The following FBXO38 variants were observed in gnomAD, a reference collection of about 807,000 sequenced individuals.
FBXO38 encodes F-box only protein 38.
A neutral mutation model predicts 131.9 loss-of-function variants in FBXO38; 53 were observed. The ratio of observed to expected loss-of-function variants is 0.40; its 90% CI spans 0.32 to 0.51. The LOEUF is 0.51. Ranked by LOEUF, FBXO38 falls within the 20% of genes least tolerant of loss-of-function variation. FBXO38 has a pLI of 0.53. For synonymous variants in FBXO38, 452 were observed against 505.6 expected, an observed-to-expected ratio of 0.89 and a Z score of 1.42; for missense variants, 1,076 against 1,475.6, an observed-to-expected ratio of 0.73 and a Z score of 4.44.
At chr5:148,393,282 A>C (rs2113499313) in intron 1 of FBXO38, among the ~76,000 whole-genome samples, 1 of 150,128 alleles carries the variant, frequency 6.7e-6, no homozygotes, top group African/African-American at 2.5e-5. Context: ...ATAGCACATA[A>C]CCTTTCAGTG....
intron 1 of FBXO38, among the ~76,000 whole-genome samples, chr5:148,391,784 T>C (rs1213212205): frequency 6.6e-6 from 1 of 152,208 alleles, no homozygotes; most frequent in Non-Finnish European, 1.5e-5. Flanking sequence ...TGATGGAGAA[T>C]AATATGAAGT....
chr5:148,433,615 T>C lies in FBXO38; in HGVS notation c.2755-20T>C. ...CTAAAGTTTGTATCTTTATATAGTTTCTAATTTTTCTGCTTGTAGGTTCTT... is the reference window on the plus strand; with the variant it reads ...CTAAAGTTTGTATCTTTATATAGTTCCTAATTTTTCTGCTTGTAGGTTCTT... On this transcript the variant is annotated intron_variant, in intron 16 of 21. Coordinates refer to ENST00000340253, the MANE Select transcript of FBXO38 (RefSeq NM_205836.3). 1 of 1,569,826 alleles carries C rather than the reference T, an allele frequency of 6.4e-7. No homozygotes were observed. The highest frequency in any genetic ancestry group is 8.7e-7 in the Non-Finnish European group (1 of 1,149,184).
At chr5:148,399,164 T>C (rs975886518) in intron 3 of FBXO38, 32 bp downstream of exon 3, 1 of 1,606,706 alleles carries the variant, frequency 6.2e-7, no homozygotes, top group Non-Finnish European at 8.5e-7. Context: ...AGTACAGTAG[T>C]GTCCTACTGG....
intron 12 of FBXO38, among the ~76,000 whole-genome samples, chr5:148,422,951 GGTTTGTTTGTTTGTTT>G (rs79554071): frequency 4.0e-5 from 6 of 150,982 alleles, no homozygotes; most frequent in Non-Finnish European, 5.9e-5. Flanking sequence ...ACAGATAACT[GGTTTGTTTGTTTGTTT>G]GTTTGTTTGT....
At chr5:148,411,335 G>A (rs1263913195) in intron 9 of FBXO38, among the ~76,000 whole-genome samples, 1 of 152,140 alleles carries the variant, frequency 6.6e-6, no homozygotes, top group Non-Finnish European at 1.5e-5. Context: ...GGGTTTGAAT[G>A]CATGTCAATT....
At chr5:148,416,713 G>C (rs1459485716) in intron 11 of FBXO38, 2 of 392,950 alleles carry the variant, frequency 5.1e-6, no homozygotes, top group Non-Finnish European at 9.2e-6. Flanking sequence ...TCAGAATCCT[G>C]GTTTCAAATT....
chr5:148,438,589 A>G, intron 18 of FBXO38, 91 bp downstream of exon 18: 1 of 1,395,846 alleles, frequency 7.2e-7, no homozygotes. Flanking sequence ...TGGATTTGGC[A>G]TTCATTCACT....
intron 1 of FBXO38, among the ~76,000 whole-genome samples, chr5:148,394,434 A>G (rs1372014391): frequency 2.0e-5 from 3 of 152,180 alleles, no homozygotes; most frequent in Non-Finnish European, 2.9e-5. Context: ...GCTAAGAAGC[A>G]ACAGTACAAA....
At chr5:148,390,722 G>A (rs1279311481) in intron 1 of FBXO38, among the ~76,000 whole-genome samples, 1 of 152,078 alleles carries the variant, frequency 6.6e-6, no homozygotes. Flanking sequence ...TAAACTCAAT[G>A]ATATTTAAGG....
chr5:148,387,505 T>TC (rs749527900), intron 1 of FBXO38, among the ~76,000 whole-genome samples: 1 of 152,126 alleles, frequency 6.6e-6, no homozygotes, highest in Non-Finnish European at 1.5e-5. Flanking sequence ...TCCCTCAGAG[T>TC]CATCCATGAG....
At chr5:148,433,603 C>T in intron 16 of FBXO38, 32 bp from the exon 17 acceptor site, 1 of 1,560,180 alleles carries the variant, frequency 6.4e-7, no homozygotes, top group East Asian at 2.2e-5. Flanking sequence ...AAGTTTGTAT[C>T]TTTATATAGT....
chr5:148,401,863 A>T, intron 3 of FBXO38, 119 bp from the exon 4 acceptor site: 1 of 882,720 alleles, frequency 1.1e-6, no homozygotes, highest in Non-Finnish European at 1.7e-6. Flanking sequence ...CTTTAGTGTT[A>T]GCTTTACGGA....
intron 3 of FBXO38, 182 bp downstream of exon 3, chr5:148,399,314 T>G: frequency 3.2e-6 from 2 of 626,502 alleles, no homozygotes; most frequent in Non-Finnish European, 5.5e-6. Context: ...CCTGAGGCTT[T>G]ATTGTTTTAA....
At position 148,441,139 on chromosome 5, in the gene FBXO38, C is replaced by T; in HGVS notation, c.3290C>T (p.Ala1097Val). The change falls in exon 21 of 22, where the codon GCT (alanine) becomes GTT (valine). Residue 1097 changes from alanine to valine, a missense_variant. This residue lies in a region of FBXO38 where 282 missense variants were observed against 418.8 expected (regional missense o/e 0.67). Transcript: ENST00000340253. ...TGTCTTTTAGGTGTTGTGGATGGAG[C>T]TCCATATTCCATGATTTCTGACTTC... The part of the protein sequence containing the change: ...IYTLEGVVDG[A>V]PYSMISDFPW... 6.2e-7 allele frequency: 1 copy of T among 1,613,818 alleles called. No homozygotes were observed. Among genetic ancestry groups the T allele is most frequent in the Non-Finnish European group, 8.5e-7 (1 of 1,179,714 alleles).
At chr5:148,400,187 T>G (rs754507087) in intron 3 of FBXO38, among the ~76,000 whole-genome samples, 4 of 152,044 alleles carry the variant, frequency 2.6e-5, no homozygotes, top group African/African-American at 4.8e-5. Flanking sequence ...CAAACCACGG[T>G]TACTTTCAGA....
At position 148,415,911 on chromosome 5, in the gene FBXO38, T is replaced by A; in HGVS notation, c.1265-17T>A. 6.2e-7 allele frequency: 1 copy of A among 1,613,098 alleles called. No individual in the cohort carries two copies. Among genetic ancestry groups the A allele is most frequent in the Non-Finnish European group, 8.5e-7 (1 of 1,179,268 alleles). On this transcript the variant is annotated splice_polypyrimidine_tract_variant and intron_variant, in intron 10 of 21. Transcript: ENST00000340253. ...ATGTTACTTAGATTTTCTCTGGTCATGTCATTTCTTTAACAGACCACTCAA... is the reference window on the plus strand; with the variant it reads ...ATGTTACTTAGATTTTCTCTGGTCAAGTCATTTCTTTAACAGACCACTCAA...
In FBXO38 at chr5:148,427,556, C is replaced by G. The variant is rs753849076; in HGVS notation, c.2262C>G (p.Pro754=). Residue 754 remains proline, a synonymous_variant, in exon 15 of 22, where the codon CCC becomes CCG. Coordinates refer to ENST00000340253, the MANE Select transcript of FBXO38 (RefSeq NM_205836.3). ...VDVSRQCACS[P]GGSEDSEAME... is the part of the protein sequence containing the mutation. ...TGTCCAGGCAGTGTGCCTGCTCCCCCGGTGGGTCAGAGGACTCTGAGGCCA... is the reference window on the plus strand; with the variant it reads ...TGTCCAGGCAGTGTGCCTGCTCCCCGGGTGGGTCAGAGGACTCTGAGGCCA... 1 of 1,614,164 alleles carries G rather than the reference C, an allele frequency of 6.2e-7. No individual in the cohort carries two copies. Among genetic ancestry groups the G allele is most frequent in the Non-Finnish European group, 8.5e-7 (1 of 1,180,020 alleles).
intron 13 of FBXO38, 106 bp downstream of exon 13, chr5:148,424,223 G>A: frequency 9.0e-7 from 1 of 1,115,418 alleles, no homozygotes; most frequent in Non-Finnish European, 1.3e-6. Context: ...TTCAGCTAAT[G>A]ATACGTTTTA....
intron 6 of FBXO38, among the ~76,000 whole-genome samples, chr5:148,405,053 T>C (rs1263930330): frequency 6.6e-6 from 1 of 152,138 alleles, no homozygotes; most frequent in Admixed American, 6.5e-5. Context: ...ATCTCTATTT[T>C]TTACGGGTAC....
Sources: gnomAD v4.1 joint callset for allele counts (sites outside exome capture counted in the v4.1 genomes callset) on GRCh38, gnomAD v4.1.1 for gene constraint, gnomAD v4.1.1 regional missense constraint, MANE v1.5 for transcripts, NCBI Gene and HGNC (gene_info 2026-07-23, HGNC 2026-07-21) for gene names.